The following RUNDC3B variants were observed in gnomAD, a reference collection of about 807,000 sequenced individuals.
RUNDC3B encodes the protein RUN domain-containing protein 3B.
RUNDC3B carries 33 observed loss-of-function variants against 58.4 expected under a neutral mutation model. That is an observed-to-expected ratio of 0.56 (90% CI 0.43 to 0.75). The LOEUF (loss-of-function observed/expected upper bound fraction) is 0.75, where lower values mean the gene tolerates loss of function less well. Ranked by LOEUF, RUNDC3B falls within the 30% of genes least tolerant of loss-of-function variation. The probability of loss-of-function intolerance (pLI) is 0.00; values close to 1 mark genes in which losing one functional copy is unlikely to be tolerated. For missense variants in RUNDC3B, 501 were observed against 535.7 expected, an observed-to-expected ratio of 0.94 and a Z score of 0.64; for synonymous variants, 193 against 195.2, an observed-to-expected ratio of 0.99 and a Z score of 0.10.
rs575444983 is a variant in RUNDC3B at position 87,815,152 on chromosome 7, T to G, written c.1104-989T>G. ...TAAAATGGAGACTACATATAAGCAT[T>G]CAAATCACATTTAATATACATATTT... On this transcript the variant is annotated intron_variant, in intron 9 of 10. Transcript: ENST00000394654. Among the ~76,000 whole-genome samples, 4 of 152,256 alleles carry G rather than the reference T, an allele frequency of 2.6e-5. No homozygotes were observed. The East Asian group carries it at 5.8e-4, about 22-fold the overall frequency.
intron 6 of RUNDC3B, among the ~76,000 whole-genome samples, chr7:87,752,200 C>T (rs1833048449): frequency 6.6e-6 from 1 of 152,112 alleles, no homozygotes; most frequent in Admixed American, 6.6e-5. Context: ...TATATGGAAC[C>T]AGCCTTGCAT....
At position 87,750,057 on chromosome 7, in the gene RUNDC3B, T is replaced by G. The variant is rs1479144964; in HGVS notation, c.629+8478T>G. Among the ~76,000 whole-genome samples, 4 of 147,464 alleles carry G rather than the reference T, an allele frequency of 2.7e-5. 1 individual carries two copies. The Admixed American group carries it at 2.7e-4, about 10-fold the overall frequency. ...CCCCACCCCACAACAGGTCCCAGAGTGTGATGTTCCCCTTCCTGTGTCCAT... is the reference window on the plus strand; with the variant it reads ...CCCCACCCCACAACAGGTCCCAGAGGGTGATGTTCCCCTTCCTGTGTCCAT... On this transcript the variant is annotated intron_variant, in intron 6 of 10. Coordinates refer to ENST00000394654, the MANE Select transcript of RUNDC3B (RefSeq NM_001134405.2).
intron 3 of RUNDC3B, 36 bp from the exon 4 acceptor site, chr7:87,710,533 AT>A (rs765183225): frequency 1.8e-5 from 24 of 1,307,186 alleles, no homozygotes; most frequent in South Asian, 5.4e-5. Flanking sequence ...TATTTTTTTA[AT>A]TTTTTTTATA....
chr7:87,655,781 A>G (rs756212140), intron 2 of RUNDC3B, among the ~76,000 whole-genome samples: 1 of 152,106 alleles, frequency 6.6e-6, no homozygotes, highest in Admixed American at 6.6e-5. Context: ...CATATGCTGG[A>G]AACTTAACCC....
chr7:87,731,454 T>C (rs1831572101), intron 4 of RUNDC3B, among the ~76,000 whole-genome samples: 1 of 151,942 alleles, frequency 6.6e-6, no homozygotes, highest in Admixed American at 6.6e-5. Flanking sequence ...AACTCTCCAA[T>C]CAAAAGACAT....
At position 87,816,157 on chromosome 7, in the gene RUNDC3B, C is replaced by A; in HGVS notation, c.1120C>A (p.Leu374Ile). 6.2e-7 allele frequency: 1 copy of A among 1,607,010 alleles called. No homozygotes were observed. Among genetic ancestry groups the A allele is most frequent in the South Asian group, 1.1e-5 (1 of 90,430 alleles). The change falls in exon 10 of 11, where the codon CTT becomes ATT. Residue 374 changes from leucine to isoleucine, a missense_variant. Leu to Ile is a conservative substitution (Grantham distance 5, BLOSUM62 2). Coordinates refer to ENST00000394654, the MANE Select transcript of RUNDC3B (RefSeq NM_001134405.2). ...GCTTTACAGGAAAAGTTATCAAAGT[C>A]TTGACCAGTTATCAGCAGAAGTTAG... Reference protein sequence around the residue: ...KQWYEKSYQSLDQLSAEVSLS... With the variant: ...KQWYEKSYQSIDQLSAEVSLS...
intron 2 of RUNDC3B, among the ~76,000 whole-genome samples, chr7:87,675,658 A>G: frequency 8.5e-6 from 1 of 117,550 alleles, no homozygotes; most frequent in South Asian, 2.8e-4. Context: ...ACATGCAAAA[A>G]AAAAAAAAAA....
At chr7:87,745,603 G>A (rs1832600979) in intron 6 of RUNDC3B, among the ~76,000 whole-genome samples, 1 of 152,120 alleles carries the variant, frequency 6.6e-6, no homozygotes, top group Non-Finnish European at 1.5e-5. Context: ...TATGCATAAA[G>A]GTGTTCATAG....
rs1352064192 is a variant in RUNDC3B at position 87,826,154 on chromosome 7, C to CT, written c.1226-3729dup. Among the ~76,000 whole-genome samples, 12 of 152,232 alleles carry CT rather than the reference C, an allele frequency of 7.9e-5. No homozygotes were observed. In the East Asian group the frequency reaches 2.3e-3, roughly 29 times the overall value. On this transcript the variant is annotated intron_variant, in intron 10 of 10. Coordinates refer to ENST00000394654, the MANE Select transcript of RUNDC3B (RefSeq NM_001134405.2). ...ATGGTTTGGCTGTCCCCACCGAAAT[C>CT]TTATCTTGAATTGTAACTCTCACAA... is the stretch of plus-strand genomic sequence containing the variant.
At chr7:87,684,047 C>T (rs1043046245) in intron 2 of RUNDC3B, among the ~76,000 whole-genome samples, 3 of 152,048 alleles carry the variant, frequency 2.0e-5, no homozygotes, top group Non-Finnish European at 4.4e-5. Flanking sequence ...ATGATAGGAT[C>T]CTACTAATAG....
At chr7:87,823,493 T>C (rs1837614002) in intron 10 of RUNDC3B, among the ~76,000 whole-genome samples, 1 of 152,054 alleles carries the variant, frequency 6.6e-6, no homozygotes, top group South Asian at 2.1e-4. Flanking sequence ...TTAGTGGTGA[T>C]TTATGAGATT....
rs528790721 is a variant in RUNDC3B, at chr7:87,647,535, T to C, written c.123-3287T>C. On this transcript the variant is annotated intron_variant, in intron 1 of 10. Coordinates refer to ENST00000394654, the MANE Select transcript of RUNDC3B (RefSeq NM_001134405.2). ...TAAGTTTCATAAAAATATATTTTTA[T>C]GCAACATGTAATGAATTTATTTTGT... 3.3e-5 allele frequency among the ~76,000 whole-genome samples: 5 copies of C among 152,362 alleles called. No homozygotes were observed. In the East Asian group the frequency reaches 9.6e-4, roughly 29 times the overall value.
intron 3 of RUNDC3B, among the ~76,000 whole-genome samples, chr7:87,705,886 A>G (rs1829539939): frequency 6.6e-6 from 1 of 152,112 alleles, no homozygotes; most frequent in African/African-American, 2.4e-5. Context: ...TGATATTCCA[A>G]CTGATTTCAA....
chr7:87,673,778 G>A (rs1335385703), intron 2 of RUNDC3B, among the ~76,000 whole-genome samples: 1 of 152,206 alleles, frequency 6.6e-6, no homozygotes, highest in Non-Finnish European at 1.5e-5. Context: ...GAGGTAATAA[G>A]ACACTCTGGC....
intron 2 of RUNDC3B, among the ~76,000 whole-genome samples, chr7:87,693,056 T>G (rs1479877265): frequency 6.6e-6 from 1 of 152,174 alleles, no homozygotes; most frequent in Non-Finnish European, 1.5e-5. Flanking sequence ...TGGAAAGGTG[T>G]GGGACCATGT....
chr7:87,816,136 T>C lies in RUNDC3B; in HGVS notation c.1104-5T>C, dbSNP rs538609703. ...TTCAAGTAGTATTTCATCCTTGCTT[T>C]ACAGGAAAAGTTATCAAAGTCTTGA... On this transcript the variant is annotated splice_polypyrimidine_tract_variant and splice_region_variant and intron_variant, in intron 9 of 10. Coordinates refer to ENST00000394654, the MANE Select transcript of RUNDC3B (RefSeq NM_001134405.2). 30 of 1,596,284 alleles carry C rather than the reference T, an allele frequency of 1.9e-5. No homozygotes were observed. Among genetic ancestry groups the C allele is most frequent in the African/African-American group, 2.7e-5 (2 of 74,462 alleles).
chr7:87,664,259 A>C (rs1371382226), intron 2 of RUNDC3B, among the ~76,000 whole-genome samples: 1 of 152,112 alleles, frequency 6.6e-6, no homozygotes, highest in East Asian at 1.9e-4. Flanking sequence ...CCAGGAGTTC[A>C]AGGCTGTAGT....
intron 8 of RUNDC3B, among the ~76,000 whole-genome samples, chr7:87,782,207 G>A (rs1028409249): frequency 6.6e-6 from 1 of 152,014 alleles, no homozygotes; most frequent in Admixed American, 6.6e-5. Flanking sequence ...GGGAGATTGT[G>A]TGTTTCCGGC....
At chr7:87,742,623 TC>T (rs1271933472) in intron 6 of RUNDC3B, among the ~76,000 whole-genome samples, 8 of 139,300 alleles carry the variant, frequency 5.7e-5, no homozygotes, top group Non-Finnish European at 8.0e-5. Context: ...TAGATAGATA[TC>T]ATGGTTTTTT....
Sources: allele counts gnomAD v4.1 joint callset (sites outside exome capture counted in the v4.1 genomes callset), GRCh38; gene constraint gnomAD v4.1.1; transcripts MANE v1.5; gene names NCBI Gene and HGNC (gene_info 2026-07-23, HGNC 2026-07-21).